VPS41: variants seen among roughly 807,000 people sequenced by gnomAD.
The protein encoded by VPS41 is VPS41 subunit of HOPS complex, also known as vacuolar protein sorting-associated protein 41 homolog.
Under a neutral mutation model 130.9 loss-of-function variants are expected in VPS41, and 85 were observed. That is an observed-to-expected ratio of 0.65 (90% CI 0.55 to 0.78). VPS41 has a LOEUF of 0.78. Ranked by LOEUF, VPS41 falls within the 30% of genes least tolerant of loss-of-function variation. The pLI, the probability that VPS41 is intolerant of heterozygous loss-of-function variation, is 0.00. For missense variants in VPS41, 874 were observed against 1,018.7 expected, an observed-to-expected ratio of 0.86 and a Z score of 1.93; for synonymous variants, 335 against 332.9, an observed-to-expected ratio of 1.01 and a Z score of -0.07.
intron 2 of VPS41, among the ~76,000 whole-genome samples, chr7:38,896,968 C>T (rs765137982): frequency 2.6e-5 from 4 of 151,816 alleles, no homozygotes; most frequent in Admixed American, 6.6e-5. Context: ...CCAAGGCAGG[C>T]GGATCACCTG....
intron 4 of VPS41, among the ~76,000 whole-genome samples, chr7:38,856,945 G>A (rs925749293): frequency 6.6e-6 from 1 of 152,192 alleles, no homozygotes; most frequent in South Asian, 2.1e-4. Flanking sequence ...GATTAGAAAG[G>A]TGGGTTTCAC....
At chr7:38,752,847 A>T (rs1240266007) in intron 21 of VPS41, among the ~76,000 whole-genome samples, 3 of 152,182 alleles carry the variant, frequency 2.0e-5, no homozygotes, top group Admixed American at 2.0e-4. Context: ...GCGGGCACTA[A>T]ACTCATTTCC....
intron 17 of VPS41, among the ~76,000 whole-genome samples, chr7:38,759,412 C>G (rs113385820): frequency 0.02 from 3,076 of 152,204 alleles, 25 homozygotes; most frequent in Non-Finnish European, 0.025. Flanking sequence ...CAAAACAAAC[C>G]AAACAATTTA....
chr7:38,764,253 T>C (rs1455675314), intron 16 of VPS41, among the ~76,000 whole-genome samples: 3 of 152,062 alleles, frequency 2.0e-5, no homozygotes, highest in Admixed American at 6.6e-5. Context: ...CCTGGGTTTC[T>C]CAGGAAAAAA....
intron 2 of VPS41, among the ~76,000 whole-genome samples, chr7:38,894,204 T>C (rs1253356946): frequency 1.3e-5 from 2 of 152,056 alleles, no homozygotes; most frequent in African/African-American, 4.8e-5. Flanking sequence ...GAAGGAGGAA[T>C]CTCTGGTGGA....
At chr7:38,764,411 G>A (rs1562577338) in intron 16 of VPS41, among the ~76,000 whole-genome samples, 1 of 152,168 alleles carries the variant, frequency 6.6e-6, no homozygotes, top group Non-Finnish European at 1.5e-5. Flanking sequence ...AGGAAGGGGA[G>A]GTGGGGTCTT....
chr7:38,764,379 C>T (rs1403074759), intron 16 of VPS41, among the ~76,000 whole-genome samples: 2 of 152,056 alleles, frequency 1.3e-5, no homozygotes, highest in Non-Finnish European at 2.9e-5. Context: ...GATGGCGTCA[C>T]TGAAGGGAGG....
At chr7:38,858,175 C>G (rs1231335544) in intron 4 of VPS41, among the ~76,000 whole-genome samples, 1 of 152,178 alleles carries the variant, frequency 6.6e-6, no homozygotes, top group Non-Finnish European at 1.5e-5. Context: ...GGATTCTCTA[C>G]AGAATGTAAA....
intron 3 of VPS41, among the ~76,000 whole-genome samples, chr7:38,867,133 G>A (rs1786246195): frequency 6.6e-6 from 1 of 152,212 alleles, no homozygotes; most frequent in Non-Finnish European, 1.5e-5. Flanking sequence ...ATACGAGGTA[G>A]ATTTCTGGTT....
chr7:38,791,529 A>G (rs938489359), intron 9 of VPS41, among the ~76,000 whole-genome samples: 1 of 152,196 alleles, frequency 6.6e-6, no homozygotes, highest in Non-Finnish European at 1.5e-5. Context: ...GTGACAGGGA[A>G]GTACAGAGCA....
chr7:38,756,775 C>T, intron 19 of VPS41, 63 bp downstream of exon 19: 3 of 1,207,232 alleles, frequency 2.5e-6, no homozygotes, highest in Non-Finnish European at 3.4e-6. Flanking sequence ...GGATAGATAT[C>T]TAAGTATTAA....
At chr7:38,893,058 A>C (rs924549763) in intron 2 of VPS41, among the ~76,000 whole-genome samples, 4 of 152,068 alleles carry the variant, frequency 2.6e-5, no homozygotes, top group Admixed American at 6.6e-5. Flanking sequence ...TTCATCTGTC[A>C]CCAACCCCTT....
intron 9 of VPS41, among the ~76,000 whole-genome samples, chr7:38,794,563 T>C (rs1027128103): frequency 2.6e-5 from 4 of 152,204 alleles, no homozygotes; most frequent in African/African-American, 9.7e-5. Flanking sequence ...ACTCTTTACA[T>C]GCATTGGCTC....
At chr7:38,761,783 C>T (rs893700487) in intron 17 of VPS41, among the ~76,000 whole-genome samples, 5 of 151,984 alleles carry the variant, frequency 3.3e-5, no homozygotes, top group African/African-American at 1.2e-4. Context: ...AGACAGGTCT[C>T]ACTATGTTAC....
intron 7 of VPS41, among the ~76,000 whole-genome samples, chr7:38,810,231 A>T (rs1262304162): frequency 1.3e-5 from 2 of 152,138 alleles, no homozygotes; most frequent in Non-Finnish European, 2.9e-5. Context: ...AAAACCTAAA[A>T]TAAAAGTTTA....
chr7:38,778,466 G>A (rs921199029), intron 10 of VPS41, among the ~76,000 whole-genome samples: 16 of 152,154 alleles, frequency 1.1e-4, no homozygotes, highest in Admixed American at 5.2e-4. Context: ...TAAACAGTAT[G>A]GGGCCACAAA....
At chr7:38,822,092 T>A (rs1270760615) in intron 5 of VPS41, among the ~76,000 whole-genome samples, 4 of 152,234 alleles carry the variant, frequency 2.6e-5, no homozygotes, top group African/African-American at 9.6e-5. Context: ...AAGATTTAAG[T>A]TCCTGCTTAT....
chr7:38,782,989 G>A (rs1047581225), intron 10 of VPS41, among the ~76,000 whole-genome samples: 6 of 151,942 alleles, frequency 3.9e-5, no homozygotes, highest in South Asian at 2.1e-4. Context: ...TGGTGACAAC[G>A]TGCCTGTAGC....
In VPS41 at chr7:38,862,569, C is replaced by T; in HGVS notation, c.222G>A (p.Gly74=). The part of the protein sequence containing the change: ...YGKVYLLDVQ[G]NITQKFDVSP... ...CTACATCAAACTTCTGAGTGATGTT[C>T]CCCTGGACATCAAGTAAATAAACCT... is the stretch of plus-strand genomic sequence containing the variant. The change falls in exon 4 of 29, where the codon GGG becomes GGA. Residue 74 remains glycine, a synonymous_variant. Coordinates refer to ENST00000310301, the MANE Select transcript of VPS41 (RefSeq NM_014396.4). 6.2e-7 allele frequency: 1 copy of T among 1,608,870 alleles called. No homozygotes were observed. The highest frequency in any genetic ancestry group is 8.5e-7 in the Non-Finnish European group (1 of 1,177,114).
Sources: gnomAD v4.1 joint callset for allele counts (sites outside exome capture counted in the v4.1 genomes callset) on GRCh38, gnomAD v4.1.1 for gene constraint, MANE v1.5 for transcripts, NCBI Gene and HGNC (gene_info 2026-07-23, HGNC 2026-07-21) for gene names.